The following TDRD12 variants were observed in gnomAD, a reference collection of about 807,000 sequenced individuals.
The protein encoded by TDRD12 is putative ATP-dependent RNA helicase TDRD12.
TDRD12 carries 158 observed loss-of-function variants against 133.5 expected under a neutral mutation model. That is an observed-to-expected ratio of 1.18 (90% CI 1.04 to 1.35). The LOEUF (loss-of-function observed/expected upper bound fraction) is 1.35, where lower values mean the gene tolerates loss of function less well. Ranked by LOEUF, TDRD12 falls within the 40% of genes most tolerant of loss-of-function variation. The pLI is 0.00. For synonymous variants in TDRD12, 460 were observed against 477.9 expected (o/e 0.96, Z 0.49); for missense variants, 1,443 against 1,321.3 (o/e 1.09, Z -1.43).
intron 22 of TDRD12, among the ~76,000 whole-genome samples, chr19:32,809,537 C>T (rs1966925025): frequency 6.6e-6 from 1 of 152,164 alleles, no homozygotes; most frequent in South Asian, 2.1e-4. Context: ...AGCGTCTCTG[C>T]CCTCTGCACA....
intron 11 of TDRD12, among the ~76,000 whole-genome samples, chr19:32,785,830 C>T (rs11666228): frequency 0.11 from 16,261 of 151,962 alleles, 1,092 homozygotes; most frequent in Middle Eastern, 0.17. Context: ...TGTCTTTGCA[C>T]GTGAGATGGG....
intron 1 of TDRD12, among the ~76,000 whole-genome samples, chr19:32,720,980 A>T (rs1366230983): frequency 1.3e-5 from 2 of 151,802 alleles, no homozygotes; most frequent in African/African-American, 4.8e-5. Flanking sequence ...GCCAAGCGAC[A>T]CTGGCGTCCC....
chr19:32,806,613 A>G (rs1971558529), intron 21 of TDRD12, among the ~76,000 whole-genome samples: 1 of 152,126 alleles, frequency 6.6e-6, no homozygotes, highest in East Asian at 1.9e-4. Flanking sequence ...CAGTGCTGGG[A>G]TTACAGGCAT....
chr19:32,824,645 G>A (rs1229987985), downstream of TDRD12: 1 of 152,296 alleles, frequency 6.6e-6, no homozygotes, highest in Non-Finnish European at 1.5e-5. Context: ...GTAGCCCCGT[G>A]TCCTGTTATG....
chr19:32,777,099 C>T (rs1247768393), intron 10 of TDRD12, 50 bp from the exon 11 acceptor site: 1 of 1,226,046 alleles, frequency 8.2e-7, no homozygotes. Context: ...CACTGTGTTG[C>T]CCAGGCTGCT....
Position 32,720,103 on chromosome 19 carries a change from G to GC in TDRD12, c.24+9dup. On this transcript the variant is annotated splice_region_variant and intron_variant, in intron 1 of 27. Coordinates refer to ENST00000444215, the Ensembl canonical transcript of TDRD12. ...CCAGCTCCTGGTGCTGAAGGTGAGC[G>GC]CCGCCAAGCCAGACCCACGCCAGAC... is the stretch of plus-strand genomic sequence containing the variant. 6.5e-7 allele frequency: 1 copy of GC among 1,547,496 alleles called. No individual in the cohort carries two copies. The highest frequency in any genetic ancestry group is 8.7e-7 in the Non-Finnish European group (1 of 1,146,134).
At chr19:32,754,753 C>T (rs1200360198) in intron 6 of TDRD12, among the ~76,000 whole-genome samples, 4 of 149,668 alleles carry the variant, frequency 2.7e-5, no homozygotes, top group Admixed American at 6.7e-5. Flanking sequence ...CTTGGCTCAC[C>T]GCAACCTCTG....
rs139910629 is a variant in TDRD12, at chr19:32,798,252, A to C, written c.1631-56A>C. 1.4e-3 allele frequency: 2,149 copies of C among 1,500,382 alleles called. 20 individuals are homozygous for C. The highest frequency in any genetic ancestry group is 4.7e-3 in the Middle Eastern group (28 of 5,898). 92.9% of individuals were successfully genotyped at this position (1,500,382 alleles called of 1,614,324 possible). ...AAGTATGTGGACTCTTAGCAGAGGA[A>C]ATCTTAGAAAAACCTGTGGAAAATT... On this transcript the variant is annotated intron_variant, in intron 15 of 27. Transcript: ENST00000444215.
At chr19:32,759,507 C>T (rs1970092759) in intron 8 of TDRD12, among the ~76,000 whole-genome samples, 1 of 151,848 alleles carries the variant, frequency 6.6e-6, no homozygotes, top group Non-Finnish European at 1.5e-5. Flanking sequence ...ACCTCCTGGC[C>T]TCAAAGGAGG....
At chr19:32,820,508 T>G (rs1423271265) in intron 27 of TDRD12, among the ~76,000 whole-genome samples, 2 of 152,166 alleles carry the variant, frequency 1.3e-5, no homozygotes, top group African/African-American at 4.8e-5. Flanking sequence ...TCTAGCTAGT[T>G]ATTAAGTAGG....
chr19:32,744,634 G>A (rs945098439), intron 4 of TDRD12, among the ~76,000 whole-genome samples: 11 of 151,434 alleles, frequency 7.3e-5, no homozygotes, highest in African/African-American at 1.9e-4. Context: ...TGACTGCATC[G>A]CTAGTGTTTG....
chr19:32,730,336 A>G (rs974453077), intron 1 of TDRD12, among the ~76,000 whole-genome samples: 4 of 152,160 alleles, frequency 2.6e-5, no homozygotes, highest in African/African-American at 9.7e-5. Context: ...CACCACGTGG[A>G]CTGGGGAATG....
chr19:32,774,809 C>T (rs943719536), intron 10 of TDRD12, among the ~76,000 whole-genome samples: 1 of 151,938 alleles, frequency 6.6e-6, no homozygotes, highest in African/African-American at 2.4e-5. Context: ...ATGGTGAAAC[C>T]CCATCTCTAC....
intron 11 of TDRD12, among the ~76,000 whole-genome samples, chr19:32,787,723 T>C (rs912680975): frequency 7.9e-5 from 12 of 152,158 alleles, no homozygotes; most frequent in African/African-American, 2.9e-4. Flanking sequence ...CGAGCAAGGA[T>C]CTGTGGGCGT....
chr19:32,726,282 G>T (rs771888057), intron 1 of TDRD12, among the ~76,000 whole-genome samples: 1 of 151,958 alleles, frequency 6.6e-6, no homozygotes, highest in Non-Finnish European at 1.5e-5. Flanking sequence ...GGGTTTCACT[G>T]TGTTAGCCAC....
At chr19:32,725,873 C>T (rs1349373431) in intron 1 of TDRD12, among the ~76,000 whole-genome samples, 1 of 151,904 alleles carries the variant, frequency 6.6e-6, no homozygotes, top group Admixed American at 6.6e-5. Flanking sequence ...TGTTTGTGTC[C>T]TCTTTTATTT....
chr19:32,796,440 C>G (rs1005575597), intron 14 of TDRD12, among the ~76,000 whole-genome samples: 1 of 152,012 alleles, frequency 6.6e-6, no homozygotes, highest in Non-Finnish European at 1.5e-5. Context: ...CAAAAATTAG[C>G]TGGGCGTGGT....
chr19:32,798,366 G>T lies in TDRD12; in HGVS notation c.1689G>T (p.Leu563=), dbSNP rs1971290936. The T allele has an allele frequency of 3.9e-6, 6 of 1,535,870 alleles. No individual in the cohort carries two copies. The South Asian group carries it at 7.1e-5, about 18-fold the overall frequency. The change falls in exon 16 of 28, where the codon CTG becomes CTT. Residue 563 remains leucine, a synonymous_variant. Transcript: ENST00000444215. ...TGAGGCTTCTCGCCTGTCAGAGCCT[G>T]CTGTTCCTCAGGCTCTGCCACCTGA...
At chr19:32,827,372 C>CTTTTCTTTTT (rs61327156) in exon 10 of TDRD12, 26 of 122,404 alleles carry the variant, frequency 2.1e-4, no homozygotes, top group Non-Finnish European at 2.4e-4. Context: ...CTTTTCTTTT[C>CTTTTCTTTTT]TTTTTTTTTT....
Sources: gnomAD v4.1 joint callset for allele counts (sites outside exome capture counted in the v4.1 genomes callset) on GRCh38, gnomAD v4.1.1 for gene constraint, MANE v1.5 for transcripts, NCBI Gene and HGNC (gene_info 2026-07-23, HGNC 2026-07-21) for gene names.